The following ANKRD6 variants were observed in gnomAD, a reference collection of about 807,000 sequenced individuals.
ANKRD6 encodes ankyrin repeat domain 6, also known as ankyrin repeat domain-containing protein 6.
ANKRD6 carries 56 observed loss-of-function variants against 82.3 expected under a neutral mutation model. The ratio of observed to expected loss-of-function variants is 0.68; its 90% CI spans 0.55 to 0.85. The LOEUF (loss-of-function observed/expected upper bound fraction) is 0.85, where lower values mean the gene tolerates loss of function less well. Among genes scored for constraint, ANKRD6 ranks in the 40% least tolerant of loss-of-function variants. The pLI is 0.00. For synonymous variants in ANKRD6, 347 were observed against 352.1 expected (o/e 0.99, Z 0.16); for missense variants, 852 against 907.6 (o/e 0.94, Z 0.79).
intron 1 of ANKRD6, among the ~76,000 whole-genome samples, chr6:89,554,180 T>G (rs1786251846): frequency 6.6e-6 from 1 of 152,172 alleles, no homozygotes; most frequent in South Asian, 2.1e-4. Context: ...CAACAGACAT[T>G]TATGCTGTCA....
chr6:89,623,504 C>G lies in ANKRD6; in HGVS notation c.992C>G (p.Pro331Arg). 3.8e-6 allele frequency: 6 copies of G among 1,594,274 alleles called. No homozygotes were observed. The highest frequency in any genetic ancestry group is 5.1e-6 in the Non-Finnish European group (6 of 1,170,346). The part of the protein sequence containing the change: ...REEFLSASPE[P>R]RAKDDRRRKS... ...GAGTTCCTGTCAGCCTCCCCAGAAC[C>G]CAGAGCAAAGGATGACAGGAGGAGA... Residue 331 changes from proline (P) to arginine (R), a missense_variant, in exon 11 of 16, where the codon CCC (proline) becomes CGC (arginine). Physicochemically the swap from Pro to Arg is moderately radical, Grantham distance 103. Coordinates refer to ENST00000339746, the MANE Select transcript of ANKRD6 (RefSeq NM_001242809.2).
At chr6:89,496,860 TAAG>T (rs1358293995) in intron 1 of ANKRD6, among the ~76,000 whole-genome samples, 2 of 152,360 alleles carry the variant, frequency 1.3e-5, no homozygotes, top group South Asian at 2.1e-4. Context: ...GGTCTGCAAA[TAAG>T]AAGTTTGTCA....
At chr6:89,627,810 A>G (rs1806215938) in intron 14 of ANKRD6, 114 bp downstream of exon 14, 3 of 767,032 alleles carry the variant, frequency 3.9e-6, no homozygotes, top group Admixed American at 5.3e-5. Context: ...GAGCTTTTAC[A>G]TTATATAGTG....
At chr6:89,435,237 G>A (rs1770484912) in intron 1 of ANKRD6, among the ~76,000 whole-genome samples, 1 of 152,160 alleles carries the variant, frequency 6.6e-6, no homozygotes, top group South Asian at 2.1e-4. Flanking sequence ...ACCTTAGAGT[G>A]CAATGTAAAG....
intron 2 of ANKRD6, among the ~76,000 whole-genome samples, chr6:89,590,734 C>T (rs1034423584): frequency 5.3e-5 from 8 of 151,968 alleles, no homozygotes; most frequent in Non-Finnish European, 7.4e-5. Flanking sequence ...GGAAAGCATG[C>T]GGCTGAGCTC....
chr6:89,570,886 T>C (rs1263980083), intron 2 of ANKRD6, among the ~76,000 whole-genome samples: 1 of 152,244 alleles, frequency 6.6e-6, no homozygotes, highest in Non-Finnish European at 1.5e-5. Flanking sequence ...CTTGCTTTCA[T>C]ATCTTTTGGT....
intron 1 of ANKRD6, among the ~76,000 whole-genome samples, chr6:89,513,637 T>C (rs1306793843): frequency 6.6e-6 from 1 of 152,260 alleles, no homozygotes; most frequent in Non-Finnish European, 1.5e-5. Context: ...GTTTTACAGT[T>C]TTAAAAAATT....
intron 1 of ANKRD6, among the ~76,000 whole-genome samples, chr6:89,550,726 A>AG (rs747229833): frequency 1.6e-4 from 24 of 151,960 alleles, no homozygotes; most frequent in Non-Finnish European, 2.9e-4. Context: ...GAGGCCGAGG[A>AG]GGGGTGATCA....
At chr6:89,460,909 C>CTTTTTTTT (rs143153320) in intron 1 of ANKRD6, among the ~76,000 whole-genome samples, 4 of 135,900 alleles carry the variant, frequency 2.9e-5, no homozygotes, top group African/African-American at 2.8e-5. Context: ...TTTTGGAATT[C>CTTTTTTTT]TTTTTTTTTG....
chr6:89,434,122 CG>C (rs1770322988), intron 1 of ANKRD6, among the ~76,000 whole-genome samples: 2 of 152,146 alleles, frequency 1.3e-5, no homozygotes, highest in Non-Finnish European at 2.9e-5. Context: ...AGAGCCACTT[CG>C]GGCCCGTGAG....
chr6:89,515,479 G>C (rs1781093176), intron 1 of ANKRD6, among the ~76,000 whole-genome samples: 1 of 152,178 alleles, frequency 6.6e-6, no homozygotes, highest in South Asian at 2.1e-4. Context: ...TTTTCTGGTT[G>C]TTACTGGTGG....
At chr6:89,616,062 G>A (rs769540409) in intron 7 of ANKRD6, among the ~76,000 whole-genome samples, 25 of 152,170 alleles carry the variant, frequency 1.6e-4, no homozygotes, top group Non-Finnish European at 2.4e-4. Flanking sequence ...AGATCTACCC[G>A]CTGTAGCTGC....
intron 1 of ANKRD6, among the ~76,000 whole-genome samples, chr6:89,519,096 C>G (rs533021330): frequency 1.8e-4 from 28 of 152,300 alleles, no homozygotes; most frequent in African/African-American, 6.5e-4. Flanking sequence ...TTTAAAGACC[C>G]TCTCTCCAAG....
chr6:89,550,408 G>A (rs561176623), intron 1 of ANKRD6, among the ~76,000 whole-genome samples: 6 of 152,268 alleles, frequency 3.9e-5, no homozygotes, highest in African/African-American at 1.4e-4. Flanking sequence ...AAAATCTTGA[G>A]TGAAAGAAGC....
Position 89,450,914 on chromosome 6 carries a change from C to T in ANKRD6, c.-144+17539C>T, listed in dbSNP as rs563698411. 3.3e-5 allele frequency among the ~76,000 whole-genome samples: 5 copies of T among 152,170 alleles called. No homozygotes were observed. The South Asian group carries it at 1.0e-3, about 32-fold the overall frequency. ...CATAATTTTTATATGTACTAGGAAACCAAAAAAATTGTGTGACTCATTTTA... is the reference window on the plus strand; with the variant it reads ...CATAATTTTTATATGTACTAGGAAATCAAAAAAATTGTGTGACTCATTTTA... On this transcript the variant is annotated intron_variant, in intron 1 of 15. Coordinates refer to ENST00000339746, the MANE Select transcript of ANKRD6 (RefSeq NM_001242809.2).
At chr6:89,548,216 C>A (rs1226813739) in intron 1 of ANKRD6, among the ~76,000 whole-genome samples, 2 of 152,324 alleles carry the variant, frequency 1.3e-5, no homozygotes, top group South Asian at 4.1e-4. Flanking sequence ...TCCTGGCAAC[C>A]ACTAATCTAC....
chr6:89,462,236 T>TAATAAAAATAATAAA (rs1554214167), intron 1 of ANKRD6, among the ~76,000 whole-genome samples: 1 of 122,028 alleles, frequency 8.2e-6, no homozygotes, highest in East Asian at 2.7e-4. Flanking sequence ...CATCTCAAAA[T>TAATAAAAATAATAAA]AATAATAATA....
chr6:89,564,531 T>C (rs2128060433), intron 1 of ANKRD6, among the ~76,000 whole-genome samples: 1 of 152,216 alleles, frequency 6.6e-6, no homozygotes. Flanking sequence ...GCTGAATTCA[T>C]TGCATGGGAC....
intron 2 of ANKRD6, among the ~76,000 whole-genome samples, chr6:89,567,961 T>C (rs746617822): frequency 1.3e-5 from 2 of 152,238 alleles, no homozygotes; most frequent in African/African-American, 4.8e-5. Flanking sequence ...AGGTCACCTG[T>C]TAACTTCTGA....
Sources: gnomAD v4.1 joint callset for allele counts (sites outside exome capture counted in the v4.1 genomes callset) on GRCh38, gnomAD v4.1.1 for gene constraint, MANE v1.5 for transcripts, NCBI Gene and HGNC (gene_info 2026-07-23, HGNC 2026-07-21) for gene names.